The following ZNF518A variants were observed in gnomAD, a reference collection of about 807,000 sequenced individuals.
The protein encoded by ZNF518A is zinc finger protein 518A.
In ZNF518A, 47 loss-of-function variants were observed where a neutral mutation model predicts 102.7. That is an observed-to-expected ratio of 0.46 (90% CI 0.36 to 0.58). ZNF518A has a LOEUF of 0.58. Among genes scored for constraint, ZNF518A ranks in the 20% least tolerant of loss-of-function variants. The pLI is 0.00. For synonymous variants in ZNF518A, 652 were observed against 594.6 expected (o/e 1.10, Z -1.40); for missense variants, 1,793 against 1,699.8 (o/e 1.05, Z -0.96).
chr10:96,186,211 G>A (rs1026425158), intron 1 of ZNF518A, among the ~76,000 whole-genome samples: 18 of 152,172 alleles, frequency 1.2e-4, no homozygotes, highest in African/African-American at 2.9e-4. Context: ...GCTTTGGCTC[G>A]CCCTCCATGG....
chr10:96,154,255 G>A (rs2082588351), intron 3 of ZNF518A, among the ~76,000 whole-genome samples: 3 of 152,284 alleles, frequency 2.0e-5, no homozygotes, highest in South Asian at 4.1e-4. Flanking sequence ...GATCACCTGA[G>A]CCTGGGGAGG....
chr10:96,189,948 A>C, intron 1 of ZNF518A: 1 of 932,434 alleles, frequency 1.1e-6, no homozygotes, highest in African/African-American at 1.6e-5. Context: ...GTTATTTCAA[A>C]GACCCCAAGG....
chr10:96,142,305 G>GGTGTGTGTGT lies in ZNF518A; in HGVS notation c.-302+8698_-302+8707dup, dbSNP rs60624825. The stretch of plus-strand genomic sequence containing the variant: ...TCTGCTTTGAAAGTAATATTCTTAG[G>GGTGTGTGTGT]GTGTGTGTGTGTGTGTGTGTGTGTG... On this transcript the variant is annotated intron_variant, in intron 3 of 5. Transcript: ENST00000316045. Among the ~76,000 whole-genome samples, 367 of 104,092 alleles carry GGTGTGTGTGT rather than the reference G, an allele frequency of 3.5e-3. 2 individuals are homozygous for GGTGTGTGTGT. Among genetic ancestry groups the GGTGTGTGTGT allele is most frequent in the Admixed American group, 0.012 (121 of 10,084 alleles). The allele number at this position is 104,092 out of a possible 152,430, so 68.3% of individuals were successfully genotyped here.
chr10:96,157,937 A>C lies in ZNF518A; in HGVS notation c.1615A>C (p.Asn539His), dbSNP rs1554883982. 1.2e-6 allele frequency: 2 copies of C among 1,613,908 alleles called. No individual in the cohort carries two copies. ...AATGACTTTGATATCTCAAAGGAAT[A>C]ATATGCTTCAAACAATGGATTATGA... The part of the protein sequence containing the change: ...KEMTLISQRN[N>H]MLQTMDYEKS... Residue 539 changes from asparagine (N) to histidine (H), a missense_variant, in exon 6 of 6, where the codon AAT (asparagine) becomes CAT (histidine). Asn to His is a moderately conservative substitution (Grantham distance 68, BLOSUM62 1). Transcript: ENST00000316045.
intron 1 of ZNF518A, chr10:96,201,021 G>C (rs1554896001): frequency 3.7e-6 from 6 of 1,614,086 alleles, no homozygotes; most frequent in Non-Finnish European, 5.1e-6. Flanking sequence ...AGCTGGGTAG[G>C]GGCCCATCCA....
At chr10:96,167,791 G>A (rs2083150991), downstream of ZNF518A, among the ~76,000 whole-genome samples, 2 of 152,116 alleles carry the variant, frequency 1.3e-5, no homozygotes, top group Admixed American at 6.5e-5. Context: ...AGCAAAAACT[G>A]TAAAACTTAC....
downstream of ZNF518A, chr10:96,204,208 AATAAAATGTATCTAAAG>A (rs2083735644): frequency 5.5e-6 from 6 of 1,081,548 alleles, no homozygotes; most frequent in Non-Finnish European, 8.5e-6. Flanking sequence ...ACAAATGGCC[AATAAAATGTATCTAAAG>A]ATAAAAGAGC....
intron 3 of ZNF518A, among the ~76,000 whole-genome samples, chr10:96,141,341 GT>G (rs2081915179): frequency 6.6e-6 from 1 of 152,162 alleles, no homozygotes; most frequent in African/African-American, 2.4e-5. Flanking sequence ...ATTGTAAAAG[GT>G]TACATGTCCC....
At chr10:96,151,880 A>G (rs1490654991) in intron 3 of ZNF518A, among the ~76,000 whole-genome samples, 1 of 152,220 alleles carries the variant, frequency 6.6e-6, no homozygotes, top group African/African-American at 2.4e-5. Flanking sequence ...TTCAGTTGCC[A>G]TGTTCATATA....
intron 1 of ZNF518A, among the ~76,000 whole-genome samples, chr10:96,169,570 T>C (rs1232806506): frequency 6.6e-6 from 1 of 152,214 alleles, no homozygotes; most frequent in Admixed American, 6.5e-5. Flanking sequence ...GCTGTAATTC[T>C]CTTTAGTTCT....
At chr10:96,181,188 G>C (rs2083238152) in intron 1 of ZNF518A, among the ~76,000 whole-genome samples, 1 of 152,080 alleles carries the variant, frequency 6.6e-6, no homozygotes. Flanking sequence ...TTTTTGATGG[G>C]GTTGTTTGAT....
chr10:96,181,947 T>C (rs911791908), intron 1 of ZNF518A, among the ~76,000 whole-genome samples: 25 of 152,340 alleles, frequency 1.6e-4, no homozygotes, highest in African/African-American at 4.6e-4. Context: ...ATTTTCATGA[T>C]ATTGATTCTT....
At chr10:96,190,269 G>T (rs1184541485) in intron 1 of ZNF518A, 5 of 708,076 alleles carry the variant, frequency 7.1e-6, no homozygotes, top group South Asian at 2.8e-5. Flanking sequence ...GGAGATAAAC[G>T]ACCACTGCTC....
At position 96,160,771 on chromosome 10, in the gene ZNF518A, A is replaced by C. The variant is rs1554887604; in HGVS notation, c.4449A>C (p.Glu1483Asp). 1 of 1,542,754 alleles carries C rather than the reference A, an allele frequency of 6.5e-7. No individual in the cohort carries two copies. The highest frequency in any genetic ancestry group is 8.7e-7 in the Non-Finnish European group (1 of 1,150,296). The change falls in exon 6 of 6, where the codon GAA becomes GAC. Residue 1483 changes from glutamate (E) to aspartate (D), a missense_variant. Coordinates refer to ENST00000316045, the MANE Select transcript of ZNF518A (RefSeq NM_001330736.2). ...CTACTCGGGATTGGAACATGTTAGAATAGTTTACCATAATTACCAAGGAAA... is the reference window on the plus strand; with the variant it reads ...CTACTCGGGATTGGAACATGTTAGACTAGTTTACCATAATTACCAAGGAAA... The part of the protein sequence containing the change: ...MEATRDWNML[E>D]
At chr10:96,190,438 C>T (rs2083310880) in intron 1 of ZNF518A, among the ~76,000 whole-genome samples, 1 of 152,216 alleles carries the variant, frequency 6.6e-6, no homozygotes, top group African/African-American at 2.4e-5. Context: ...CTTACCTTGA[C>T]TATATCTGTA....
intron 1 of ZNF518A, among the ~76,000 whole-genome samples, chr10:96,171,674 TAGTA>T (rs1421487615): frequency 2.0e-5 from 3 of 151,946 alleles, no homozygotes; most frequent in Admixed American, 6.6e-5. Flanking sequence ...ATGCAAATGA[TAGTA>T]AGCACACATA....
intron 3 of ZNF518A, among the ~76,000 whole-genome samples, chr10:96,137,585 T>C (rs2081668635): frequency 6.6e-6 from 1 of 152,214 alleles, no homozygotes; most frequent in Non-Finnish European, 1.5e-5. Flanking sequence ...ATTTTCTTCA[T>C]TTTGCTTTGA....
chr10:96,160,500 A>T lies in ZNF518A; in HGVS notation c.4178A>T (p.Tyr1393Phe). ...AATGCTTTACTGAAACCAGTTTGTTATAACCCTCCTAAAACAACTTATGAT... is the reference window on the plus strand; with the variant it reads ...AATGCTTTACTGAAACCAGTTTGTTTTAACCCTCCTAAAACAACTTATGAT... The part of the protein sequence containing the change: ...TINALLKPVC[Y>F]NPPKTTYDDF... The change falls in exon 6 of 6, where the codon TAT (tyrosine) becomes TTT (phenylalanine). Residue 1393 changes from tyrosine to phenylalanine, a missense_variant. Tyr to Phe is a conservative substitution (Grantham distance 22, BLOSUM62 3). Around this residue, in one of 3 missense-constraint regions of ZNF518A, gnomAD observed 1,741 missense variants for 1,622.6 expected, o/e 1.07. Transcript: ENST00000316045. The T allele has an allele frequency of 6.2e-7, 1 of 1,613,290 alleles. No individual in the cohort carries two copies. The highest frequency in any genetic ancestry group is 8.5e-7 in the Non-Finnish European group (1 of 1,179,578).
chr10:96,138,188 T>G (rs910212954), intron 3 of ZNF518A, among the ~76,000 whole-genome samples: 2 of 152,216 alleles, frequency 1.3e-5, no homozygotes, highest in East Asian at 3.8e-4. Context: ...CTGAATACTC[T>G]GTTCTTAGCA....
Sources: gnomAD v4.1 joint callset for allele counts (sites outside exome capture counted in the v4.1 genomes callset) on GRCh38, gnomAD v4.1.1 for gene constraint, gnomAD v4.1.1 regional missense constraint, MANE v1.5 for transcripts, NCBI Gene and HGNC (gene_info 2026-07-23, HGNC 2026-07-21) for gene names.